Variants in KIAA1217 observed in about 807,000 individuals in gnomAD.
KIAA1217 encodes the protein KIAA1217, also known as sickle tail protein homolog.
Under a neutral mutation model 163.9 loss-of-function variants are expected in KIAA1217, and 88 were observed. The observed-to-expected ratio is 0.54, with a 90% CI of 0.45 to 0.64. The LOEUF (loss-of-function observed/expected upper bound fraction) is 0.64. KIAA1217 is among the 30% of genes least tolerant of loss of function. The probability of loss-of-function intolerance (pLI) is 0.00; values close to 1 mark genes in which losing one functional copy is unlikely to be tolerated. For missense variants in KIAA1217, 2,372 were observed against 2,475.0 expected (o/e 0.96, Z 0.88); for synonymous variants, 903 against 923.1 (o/e 0.98, Z 0.39).
intron 2 of KIAA1217, among the ~76,000 whole-genome samples, chr10:24,315,764 G>GA (rs11447202): frequency 0.66 from 98,905 of 149,960 alleles, 33,058 homozygotes; most frequent in African/African-American, 0.79. Flanking sequence ...AACAAAACAA[G>GA]AAAAAAAAAA....
At chr10:23,987,090 A>G (rs553721063) in intron 1 of KIAA1217, among the ~76,000 whole-genome samples, 6 of 152,252 alleles carry the variant, frequency 3.9e-5, no homozygotes, top group African/African-American at 1.4e-4. Context: ...CAAAAACGTA[A>G]AAAAGGGCCA....
At chr10:24,232,470 C>T (rs1232272921) in intron 2 of KIAA1217, among the ~76,000 whole-genome samples, 2 of 152,078 alleles carry the variant, frequency 1.3e-5, no homozygotes, top group Non-Finnish European at 2.9e-5. Context: ...TACTAGAAAA[C>T]CTGCTAAGGA....
At chr10:23,993,327 C>T (rs1042123260) in intron 1 of KIAA1217, among the ~76,000 whole-genome samples, 1 of 151,898 alleles carries the variant, frequency 6.6e-6, no homozygotes, top group African/African-American at 2.4e-5. Context: ...CCACTGCGCC[C>T]AGCCTGATAG....
intron 8 of KIAA1217, among the ~76,000 whole-genome samples, chr10:24,498,023 C>T (rs1050930394): frequency 1.3e-5 from 2 of 151,936 alleles, no homozygotes; most frequent in Admixed American, 6.6e-5. Flanking sequence ...ACAGAAAGAG[C>T]TTTGTGGAAG....
intron 2 of KIAA1217, among the ~76,000 whole-genome samples, chr10:24,010,043 T>G (rs1466456987): frequency 6.6e-6 from 1 of 152,128 alleles, no homozygotes; most frequent in Non-Finnish European, 1.5e-5. Context: ...TAAAAGAATG[T>G]CTGTTGCATA....
chr10:23,932,913 G>T (rs1353806669), intron 1 of KIAA1217, among the ~76,000 whole-genome samples: 14 of 152,134 alleles, frequency 9.2e-5, no homozygotes, highest in Admixed American at 9.2e-4. Context: ...ATATGAAATT[G>T]GAACCATATG....
chr10:24,185,564 G>A (rs1342851253), intron 2 of KIAA1217, among the ~76,000 whole-genome samples: 1 of 152,136 alleles, frequency 6.6e-6, no homozygotes, highest in Non-Finnish European at 1.5e-5. Flanking sequence ...GGAGGCTGAG[G>A]TGGACGGATT....
chr10:23,773,449 C>G (rs2130885206), intron 1 of KIAA1217, among the ~76,000 whole-genome samples: 1 of 151,534 alleles, frequency 6.6e-6, no homozygotes, highest in African/African-American at 2.4e-5. Flanking sequence ...GATGTGGGCT[C>G]TTTTTTGGTT....
intron 1 of KIAA1217, among the ~76,000 whole-genome samples, chr10:23,755,097 G>A (rs1358391682): frequency 6.6e-6 from 1 of 152,110 alleles, no homozygotes; most frequent in African/African-American, 2.4e-5. Flanking sequence ...ACAATCCAGG[G>A]ATCTACAGCT....
rs539831043 is a variant in KIAA1217 at position 23,738,068 on chromosome 10, C to T, written c.-321+42834C>T. 4.6e-5 allele frequency among the ~76,000 whole-genome samples: 7 copies of T among 152,090 alleles called. No individual in the cohort carries two copies. The East Asian group carries it at 5.8e-4, about 13-fold the overall frequency. On this transcript the variant is annotated intron_variant, in intron 1 of 18. Transcript: ENST00000376462. ...CTTGAATCATAAACTTCTCCCTCCA[C>T]GCATAATACTCTGCCTTGTTTTTAG...
chr10:24,069,329 A>G (rs146733370), intron 2 of KIAA1217, among the ~76,000 whole-genome samples: 373 of 152,218 alleles, frequency 2.5e-3, no homozygotes, highest in African/African-American at 8.7e-3. Context: ...TTTTTGTTTT[A>G]TCTGCTTACT....
intron 2 of KIAA1217, among the ~76,000 whole-genome samples, chr10:24,082,685 G>A (rs1490600139): frequency 6.6e-6 from 1 of 152,118 alleles, no homozygotes; most frequent in Non-Finnish European, 1.5e-5. Context: ...TTGCTATTGT[G>A]AATAGTGCTG....
chr10:24,227,281 C>CCAAGTAG (rs2070714781), intron 2 of KIAA1217, among the ~76,000 whole-genome samples: 1 of 151,366 alleles, frequency 6.6e-6, no homozygotes, highest in African/African-American at 2.4e-5. Flanking sequence ...CCTCAGCCTC[C>CCAAGTAG]CAAGTAGCTG....
chr10:24,545,502 T>G, intron 20 of KIAA1217: 1 of 1,284,290 alleles, frequency 7.8e-7, no homozygotes, highest in Non-Finnish European at 9.8e-7. Flanking sequence ...ACATTAACAC[T>G]CCGTCACAAT....
At chr10:23,902,029 A>G (rs1841978680) in intron 1 of KIAA1217, among the ~76,000 whole-genome samples, 1 of 152,134 alleles carries the variant, frequency 6.6e-6, no homozygotes, top group African/African-American at 2.4e-5. Context: ...GGCAAATAAT[A>G]CAGAGCCTTT....
At chr10:23,910,426 C>A (rs1285822438) in intron 1 of KIAA1217, among the ~76,000 whole-genome samples, 1 of 152,072 alleles carries the variant, frequency 6.6e-6, no homozygotes. Flanking sequence ...GACAGGAGGA[C>A]TCCCAAGGAA....
intron 1 of KIAA1217, among the ~76,000 whole-genome samples, chr10:23,834,536 T>C (rs576243079): frequency 1.8e-4 from 28 of 152,124 alleles, no homozygotes; most frequent in South Asian, 6.2e-4. Context: ...AAACATGCCA[T>C]ATGTAAGAAG....
intron 8 of KIAA1217, among the ~76,000 whole-genome samples, chr10:24,500,553 A>G (rs1435823229): frequency 6.6e-6 from 1 of 152,148 alleles, no homozygotes; most frequent in Non-Finnish European, 1.5e-5. Context: ...AGTTGTGTGC[A>G]GATGCCCTCT....
At chr10:24,036,000 G>T (rs1022196468) in intron 2 of KIAA1217, among the ~76,000 whole-genome samples, 4 of 152,176 alleles carry the variant, frequency 2.6e-5, no homozygotes, top group Admixed American at 2.0e-4. Flanking sequence ...ACAGAAGTGC[G>T]CATTACCAGG....
Sources: gnomAD v4.1 joint callset for allele counts (sites outside exome capture counted in the v4.1 genomes callset) on GRCh38, gnomAD v4.1.1 for gene constraint, MANE v1.5 for transcripts, NCBI Gene and HGNC (gene_info 2026-07-23, HGNC 2026-07-21) for gene names.